LIN7A: variants seen among roughly 807,000 people sequenced by gnomAD.
LIN7A encodes protein lin-7 homolog A.
In LIN7A, 25 loss-of-function variants were observed where a neutral mutation model predicts 29.8. That is an observed-to-expected ratio of 0.84 (90% CI 0.61 to 1.17). The LOEUF is 1.17. Among genes scored for constraint, LIN7A ranks in the 50% most tolerant of loss-of-function variants. The pLI, the probability that LIN7A is intolerant of heterozygous loss-of-function variation, is 0.00. For missense variants in LIN7A, 239 were observed against 287.0 expected (o/e 0.83, Z 1.21); for synonymous variants, 118 against 107.5 (o/e 1.10, Z -0.60).
At chr12:80,936,061 G>A (rs1195228635) in intron 1 of LIN7A, among the ~76,000 whole-genome samples, 2 of 152,108 alleles carry the variant, frequency 1.3e-5, no homozygotes, top group Non-Finnish European at 2.9e-5. Context: ...CAATATAAGA[G>A]CTCATTACAT....
intron 4 of LIN7A, among the ~76,000 whole-genome samples, chr12:80,839,590 A>G (rs1872721666): frequency 6.6e-6 from 1 of 152,210 alleles, no homozygotes; most frequent in Non-Finnish European, 1.5e-5. Flanking sequence ...ATAGCAATTA[A>G]AAAAACTTTT....
At chr12:80,806,230 T>C (rs1870981888) in intron 5 of LIN7A, among the ~76,000 whole-genome samples, 1 of 152,090 alleles carries the variant, frequency 6.6e-6, no homozygotes, top group South Asian at 2.1e-4. Flanking sequence ...TACAACTCTT[T>C]CTCAAAAAAA....
At chr12:80,877,083 C>T (rs967066645) in intron 2 of LIN7A, among the ~76,000 whole-genome samples, 5 of 148,798 alleles carry the variant, frequency 3.4e-5, no homozygotes, top group Non-Finnish European at 7.4e-5. Flanking sequence ...GATCATGCCA[C>T]TGCACTCCAG....
At chr12:80,819,564 CA>C (rs1236108345) in intron 4 of LIN7A, among the ~76,000 whole-genome samples, 1 of 152,054 alleles carries the variant, frequency 6.6e-6, no homozygotes, top group Non-Finnish European at 1.5e-5. Flanking sequence ...AATAAATAGT[CA>C]ATGAATATAA....
intron 2 of LIN7A, among the ~76,000 whole-genome samples, chr12:80,865,032 CCT>C (rs1385920340): frequency 2.0e-4 from 31 of 152,168 alleles, no homozygotes; most frequent in African/African-American, 3.1e-4. Flanking sequence ...ACTGATTATT[CCT>C]CTCACATTGC....
intron 2 of LIN7A, among the ~76,000 whole-genome samples, chr12:80,868,705 A>C (rs1874271009): frequency 6.6e-6 from 1 of 152,238 alleles, no homozygotes; most frequent in African/African-American, 2.4e-5. Context: ...GGAAGTAATT[A>C]ATTCAGAAAC....
intron 4 of LIN7A, among the ~76,000 whole-genome samples, chr12:80,825,139 A>T (rs975223860): frequency 1.1e-4 from 17 of 152,138 alleles, no homozygotes; most frequent in African/African-American, 3.4e-4. Context: ...ATTTTTTTTA[A>T]AAATCAATAG....
At position 80,797,111 on chromosome 12, in the gene LIN7A, T is replaced by G. The variant is rs555900231; in HGVS notation, c.*616A>C. The G allele has an allele frequency of 6.6e-6, 1 of 152,194 alleles. No homozygotes were observed. Among genetic ancestry groups the G allele is most frequent in the Non-Finnish European group, 1.5e-5 (1 of 68,038 alleles). The allele number at this position is 152,194 out of a possible 1,614,324, so 9.4% of individuals were successfully genotyped here. A position where few individuals can be genotyped will look rare whatever the true frequency, so the allele number is the denominator to read the frequency against. The stretch of plus-strand genomic sequence containing the variant: ...AGCTAAAATTGGTCCATTCTATTAA[T>G]GCATAATAAAATTCATGGAAACAAA... On this transcript the variant is annotated 3_prime_UTR_variant, in exon 6 of 6. Coordinates refer to ENST00000552864, the MANE Select transcript of LIN7A (RefSeq NM_004664.4).
At chr12:80,885,726 GA>G (rs914030509) in intron 2 of LIN7A, among the ~76,000 whole-genome samples, 2 of 151,784 alleles carry the variant, frequency 1.3e-5, no homozygotes, top group African/African-American at 2.4e-5. Flanking sequence ...ACAGGTTATA[GA>G]AAAAAATAGT....
chr12:80,914,477 A>T (rs1003323990), intron 1 of LIN7A, among the ~76,000 whole-genome samples: 5 of 152,214 alleles, frequency 3.3e-5, no homozygotes, highest in Non-Finnish European at 7.4e-5. Flanking sequence ...ATTAGTTAAT[A>T]AATACACCAG....
chr12:80,826,679 T>C (rs1872095307), intron 4 of LIN7A, among the ~76,000 whole-genome samples: 1 of 152,100 alleles, frequency 6.6e-6, no homozygotes, highest in South Asian at 2.1e-4. Flanking sequence ...TGTGCCACCA[T>C]GCCTGGCTAA....
At chr12:80,906,290 AGCTCTCACTC>A (rs1565923928) in intron 1 of LIN7A, among the ~76,000 whole-genome samples, 2 of 152,130 alleles carry the variant, frequency 1.3e-5, no homozygotes, top group Non-Finnish European at 2.9e-5. Context: ...TTCCTATCTC[AGCTCTCACTC>A]TACTATTTGC....
At chr12:80,872,877 T>A (rs1874493321) in intron 2 of LIN7A, among the ~76,000 whole-genome samples, 2 of 152,324 alleles carry the variant, frequency 1.3e-5, no homozygotes, top group African/African-American at 4.8e-5. Context: ...GAGTCAACAA[T>A]AACTGACAGC....
At chr12:80,889,503 A>G (rs1303193105) in intron 1 of LIN7A, 134 bp from the exon 2 acceptor site, 2 of 613,846 alleles carry the variant, frequency 3.3e-6, no homozygotes, top group Non-Finnish European at 5.7e-6. Flanking sequence ...ACTTATATTC[A>G]TAGCTTTTTG....
chr12:80,849,222 CAGA>C (rs1303598450), intron 2 of LIN7A, among the ~76,000 whole-genome samples: 1 of 152,110 alleles, frequency 6.6e-6, no homozygotes, highest in African/African-American at 2.4e-5. Flanking sequence ...AACAAGTTTC[CAGA>C]AGATCATTTA....
chr12:80,849,924 T>G (rs1295599673), intron 2 of LIN7A, among the ~76,000 whole-genome samples: 1 of 152,202 alleles, frequency 6.6e-6, no homozygotes, highest in Non-Finnish European at 1.5e-5. Context: ...TGAATTTGTT[T>G]GAAGTTATTT....
intron 4 of LIN7A, among the ~76,000 whole-genome samples, chr12:80,823,799 A>G (rs925376185): frequency 6.6e-6 from 1 of 152,256 alleles, no homozygotes; most frequent in African/African-American, 2.4e-5. Context: ...TGAAATCAAG[A>G]TGGAAATTTA....
At chr12:80,804,705 AT>A (rs374070730) in intron 5 of LIN7A, among the ~76,000 whole-genome samples, 4,110 of 146,836 alleles carry the variant, frequency 0.028, 149 homozygotes, top group African/African-American at 0.085. Context: ...GCTCTGGCTA[AT>A]TTTTTTTTTT....
intron 2 of LIN7A, among the ~76,000 whole-genome samples, chr12:80,850,172 T>C (rs1488721715): frequency 6.6e-6 from 1 of 152,150 alleles, no homozygotes; most frequent in Non-Finnish European, 1.5e-5. Context: ...TACTGTGTAG[T>C]AGATAATTTC....
Sources: allele counts gnomAD v4.1 joint callset (sites outside exome capture counted in the v4.1 genomes callset), GRCh38; gene constraint gnomAD v4.1.1; transcripts MANE v1.5; gene names NCBI Gene and HGNC (gene_info 2026-07-23, HGNC 2026-07-21).